The following VPS8 variants were observed in gnomAD, a reference collection of about 807,000 sequenced individuals.
VPS8 encodes VPS8 subunit of CORVET complex, also known as vacuolar protein sorting-associated protein 8 homolog.
VPS8 carries 129 observed loss-of-function variants against 216.4 expected under a neutral mutation model. The ratio of observed to expected loss-of-function variants is 0.60; its 90% CI spans 0.52 to 0.69. The LOEUF is 0.69. Ranked by LOEUF, VPS8 falls within the 30% of genes least tolerant of loss-of-function variation. The probability of loss-of-function intolerance (pLI) is 0.00; values close to 1 mark genes in which losing one functional copy is unlikely to be tolerated. For missense variants in VPS8, 1,531 were observed against 1,683.5 expected (o/e 0.91, Z 1.59); for synonymous variants, 571 against 565.4 (o/e 1.01, Z -0.14).
In VPS8 at chr3:184,999,655, G is replaced by T. The variant is rs368185523; in HGVS notation, c.3837-41G>T. 4.3e-4 allele frequency: 676 copies of T among 1,561,990 alleles called. 2 individuals carry two copies. The highest frequency in any genetic ancestry group is 3.4e-3 in the South Asian group (272 of 81,044). ...TTACAAGCTTATATTTATGGATTTT[G>T]TGATAATAAAAAGTACAAATTGGTT... On this transcript the variant is annotated intron_variant, in intron 44 of 47. Coordinates refer to ENST00000625842, the MANE Select transcript of VPS8 (RefSeq NM_001009921.3).
At chr3:184,920,301 GA>G in intron 29 of VPS8, 103 bp downstream of exon 29, 1 of 737,088 alleles carries the variant, frequency 1.4e-6, no homozygotes, top group Non-Finnish European at 2.0e-6. Context: ...TGGTTTCTTG[GA>G]ATCATATCGT....
chr3:184,849,282 A>G (rs951494523), intron 9 of VPS8, 87 bp downstream of exon 9: 1 of 1,456,470 alleles, frequency 6.9e-7, no homozygotes, highest in Non-Finnish European at 9.3e-7. Context: ...AAAGACCAAA[A>G]TACGTGTTAT....
intron 34 of VPS8, 45 bp downstream of exon 34, chr3:184,930,613 C>A: frequency 7.0e-7 from 1 of 1,428,386 alleles, no homozygotes; most frequent in Non-Finnish European, 9.9e-7. Flanking sequence ...GAACGATCAT[C>A]TAACCCAAGT....
intron 8 of VPS8, 51 bp from the exon 9 acceptor site, chr3:184,849,020 A>G: frequency 6.2e-7 from 1 of 1,603,324 alleles, no homozygotes; most frequent in East Asian, 2.2e-5. Flanking sequence ...TACTCGATGT[A>G]TTTACTCTCT....
At chr3:185,031,388 A>G (rs991667542) in intron 46 of VPS8, among the ~76,000 whole-genome samples, 5 of 152,306 alleles carry the variant, frequency 3.3e-5, no homozygotes, top group South Asian at 2.1e-4. Flanking sequence ...CTTTCTCTAG[A>G]GTATTTGTCT....
intron 34 of VPS8, among the ~76,000 whole-genome samples, chr3:184,932,882 T>C (rs1281051040): frequency 1.3e-5 from 2 of 152,360 alleles, no homozygotes; most frequent in East Asian, 3.9e-4. Flanking sequence ...CAGTTGTTTC[T>C]AGTTTTAACT....
chr3:184,940,573 T>C (rs1742503242), intron 36 of VPS8, among the ~76,000 whole-genome samples: 1 of 152,188 alleles, frequency 6.6e-6, no homozygotes, highest in Admixed American at 6.5e-5. Flanking sequence ...TCTTGCCTAC[T>C]CCTAACTTCA....
At chr3:184,895,776 G>A in intron 23 of VPS8, among the ~76,000 whole-genome samples, 1 of 148,124 alleles carries the variant, frequency 6.8e-6, no homozygotes, top group Admixed American at 6.8e-5. Flanking sequence ...TGGGATTAAA[G>A]GCATACGCTA....
chr3:185,018,344 A>C (rs182347155), intron 45 of VPS8, among the ~76,000 whole-genome samples: 8 of 152,334 alleles, frequency 5.3e-5, no homozygotes, highest in African/African-American at 1.7e-4. Context: ...GCACTAAAGG[A>C]AGGATATTGT....
intron 46 of VPS8, among the ~76,000 whole-genome samples, chr3:185,043,126 C>G (rs1054027677): frequency 6.6e-6 from 1 of 152,096 alleles, no homozygotes; most frequent in Admixed American, 6.6e-5. Context: ...AGGGTGTCCG[C>G]GAGCAGCCCA....
chr3:184,971,812 C>A, intron 40 of VPS8, 60 bp downstream of exon 40: 1 of 1,395,160 alleles, frequency 7.2e-7, no homozygotes, highest in South Asian at 1.2e-5. Context: ...TGGTGGCCCA[C>A]GTCTGTAATC....
chr3:184,950,215 G>GTTTTTTTTTT (rs1332155323), intron 36 of VPS8, among the ~76,000 whole-genome samples: 8 of 15,288 alleles, frequency 5.2e-4, no homozygotes, highest in Admixed American at 1.9e-3. Flanking sequence ...GCAGTTTTCT[G>GTTTTTTTTTT]CTTTTTTTTT....
Position 184,812,176 on chromosome 3 carries a change from G to A in VPS8, c.-138G>A, listed in dbSNP as rs1467016415. 2 of 152,448 alleles carry A rather than the reference G, an allele frequency of 1.3e-5. No individual in the cohort carries two copies. Among genetic ancestry groups the A allele is most frequent in the East Asian group, 3.8e-4 (2 of 5,208 alleles). 9.4% of individuals were successfully genotyped at this position (152,448 alleles called of 1,614,324 possible). The stretch of plus-strand genomic sequence containing the variant: ...CGCGTGCGTGAGGCTAGAGCAGTGG[G>A]TGCGGTCACGTGGGCCGGCGGTCCA... On this transcript the variant is annotated 5_prime_UTR_variant, in exon 1 of 48. In the 5' UTR this introduces an upstream ATG that the reference lacks. Coordinates refer to ENST00000625842, the MANE Select transcript of VPS8 (RefSeq NM_001009921.3).
intron 39 of VPS8, among the ~76,000 whole-genome samples, chr3:184,969,425 C>T (rs1389515017): frequency 9.8e-6 from 1 of 102,506 alleles, no homozygotes; most frequent in African/African-American, 4.3e-5. Context: ...CCCACCCCCC[C>T]CCCTTTTTTT....
At chr3:184,867,980 C>G in intron 17 of VPS8, 44 bp from the exon 18 acceptor site, 1 of 1,607,094 alleles carries the variant, frequency 6.2e-7, no homozygotes, top group Non-Finnish European at 8.5e-7. Context: ...CCAAAGAAGT[C>G]TGTTAAGGGT....
intron 22 of VPS8, among the ~76,000 whole-genome samples, chr3:184,888,302 A>G (rs928630676): frequency 2.0e-5 from 3 of 152,058 alleles, no homozygotes; most frequent in Non-Finnish European, 4.4e-5. Context: ...ACATTACTTT[A>G]TATTACACAT....
At chr3:185,001,876 C>G (rs1295102410) in intron 45 of VPS8, among the ~76,000 whole-genome samples, 1 of 152,056 alleles carries the variant, frequency 6.6e-6, no homozygotes, top group Non-Finnish European at 1.5e-5. Context: ...AAGACAAAGG[C>G]CAAATATATG....
chr3:185,041,098 G>T (rs565089885), intron 46 of VPS8, among the ~76,000 whole-genome samples: 1 of 152,036 alleles, frequency 6.6e-6, no homozygotes, highest in African/African-American at 2.4e-5. Flanking sequence ...CCAGCTATTC[G>T]GGAGGCTGAG....
rs376800864 is a variant in VPS8, at chr3:184,900,891, A to G, written c.2095-30A>G. Reference sequence around the variant, plus strand: ...TTAAATAATATCATTTGAGATGATGATGATTGTTTTCCTATTAATTTTAAT... The same window carrying G: ...TTAAATAATATCATTTGAGATGATGGTGATTGTTTTCCTATTAATTTTAAT... On this transcript the variant is annotated intron_variant, in intron 24 of 47. Transcript: ENST00000625842. 6 of 1,571,526 alleles carry G rather than the reference A, an allele frequency of 3.8e-6. No homozygotes were observed. In the African/African-American group the frequency reaches 6.8e-5, roughly 18 times the overall value.
Sources: gnomAD v4.1 joint callset for allele counts (sites outside exome capture counted in the v4.1 genomes callset) on GRCh38, gnomAD v4.1.1 for gene constraint, MANE v1.5 for transcripts, NCBI Gene and HGNC (gene_info 2026-07-23, HGNC 2026-07-21) for gene names.